Variants in KAT7 observed in about 807,000 individuals in gnomAD.
KAT7 encodes lysine acetyltransferase 7, also known as histone acetyltransferase KAT7.
KAT7 carries 10 observed loss-of-function variants against 82.1 expected under a neutral mutation model. The ratio of observed to expected loss-of-function variants is 0.12; its 90% CI spans 0.08 to 0.21. KAT7 has a LOEUF of 0.21. Among genes scored for constraint, KAT7 ranks in the 10% least tolerant of loss-of-function variants. The pLI, the probability that KAT7 is intolerant of heterozygous loss-of-function variation, is 1.00. For synonymous variants in KAT7, 250 were observed against 262.5 expected (o/e 0.95, Z 0.46); for missense variants, 378 against 760.9 (o/e 0.50, Z 5.92).
chr17:49,818,763 G>C (rs1373437007), intron 9 of KAT7, among the ~76,000 whole-genome samples: 1 of 150,606 alleles, frequency 6.6e-6, no homozygotes, highest in African/African-American at 2.4e-5. Context: ...TTTTGAGAGG[G>C]AGTCTTGCTC....
chr17:49,827,136 C>CA (rs1180877598), intron 14 of KAT7: 9 of 472,128 alleles, frequency 1.9e-5, no homozygotes, highest in Non-Finnish European at 2.6e-5. Context: ...TGTCTCAACT[C>CA]AAACTCACAT....
At chr17:49,812,237 T>TC (rs2143930930) in intron 7 of KAT7, among the ~76,000 whole-genome samples, 1 of 147,974 alleles carries the variant, frequency 6.8e-6, no homozygotes, top group East Asian at 1.9e-4. Context: ...TAAAAATCTT[T>TC]TTTTTTTTTT....
At chr17:49,797,374 A>C (rs2073970559) in intron 3 of KAT7, among the ~76,000 whole-genome samples, 1 of 152,030 alleles carries the variant, frequency 6.6e-6, no homozygotes, top group Non-Finnish European at 1.5e-5. Flanking sequence ...CCTTTCTTAT[A>C]CATTGCTGAG....
intron 14 of KAT7, 57 bp from the exon 15 acceptor site, chr17:49,827,344 A>T: frequency 9.7e-7 from 1 of 1,030,132 alleles, no homozygotes; most frequent in Non-Finnish European, 1.5e-6. Context: ...TTTGGAATCT[A>T]TGTAAAGGCA....
intron 5 of KAT7, among the ~76,000 whole-genome samples, chr17:49,808,120 CTTTTTTTTTTTT>C (rs71146937): frequency 8.9e-6 from 1 of 112,820 alleles, no homozygotes; most frequent in Non-Finnish European, 1.8e-5. Flanking sequence ...CCCAGGTTTT[CTTTTTTTTTTTT>C]TTTTTTTTTG....
In KAT7 at chr17:49,796,849, C is replaced by T. The variant is rs368935839; in HGVS notation, c.263C>T (p.Thr88Ile). 4 of 1,613,968 alleles carry T rather than the reference C, an allele frequency of 2.5e-6. No individual in the cohort carries two copies. The highest frequency in any genetic ancestry group is 1.3e-5 in the African/African-American group (1 of 74,900). ...AGTCAGCAGCAGCCTACCCCAGTGA[C>T]ACCGAAAAAATACCCTCTTCGGCAG... ...TRSQQQPTPV[T>I]PKKYPLRQTR... The change falls in exon 3 of 15, where the codon ACA becomes ATA. Residue 88 changes from threonine to isoleucine, a missense_variant. Transcript: ENST00000259021.
chr17:49,800,718 C>G (rs2074013891), intron 4 of KAT7, among the ~76,000 whole-genome samples: 2 of 152,024 alleles, frequency 1.3e-5, no homozygotes, highest in South Asian at 4.1e-4. Context: ...AGTCTCTGCC[C>G]TCATGGAGCT....
intron 10 of KAT7, 25 bp from the exon 11 acceptor site, chr17:49,821,625 A>G (rs369746036): frequency 1.6e-5 from 26 of 1,612,268 alleles, no homozygotes; most frequent in African/African-American, 9.3e-5. Context: ...TGGCCCACAC[A>G]TGAACTCTGT....
In KAT7 at chr17:49,817,921, T is replaced by C. The variant is rs2074253801; in HGVS notation, c.1065T>C (p.Tyr355=). Residue 355 remains tyrosine, a synonymous_variant, in exon 9 of 15, where the codon TAT becomes TAC. Transcript: ENST00000259021. ...TTGATACCTGGTATCATTCTCCATA[T>C]CCTGAAGAATATGCACGGCTGGGAC... is the stretch of plus-strand genomic sequence containing the variant. The part of the protein sequence containing the change: ...YELDTWYHSP[Y]PEEYARLGRL... 3 of 1,611,976 alleles carry C rather than the reference T, an allele frequency of 1.9e-6. No homozygotes were observed. Among genetic ancestry groups the C allele is most frequent in the Non-Finnish European group, 2.5e-6 (3 of 1,178,070 alleles).
intron 2 of KAT7, among the ~76,000 whole-genome samples, chr17:49,792,790 C>T (rs766337204): frequency 1.3e-5 from 2 of 151,982 alleles, no homozygotes; most frequent in East Asian, 1.9e-4. Context: ...CTATGATGCT[C>T]GGTAGGTTAG....
At chr17:49,788,904 C>T (rs1381191587) in intron 1 of KAT7, 55 bp downstream of exon 1, 6 of 1,493,982 alleles carry the variant, frequency 4.0e-6, no homozygotes, top group Non-Finnish European at 4.5e-6. Flanking sequence ...GATTGAGCAC[C>T]GTGACGCAGT....
intron 1 of KAT7, chr17:49,790,102 A>G (rs2073866296): frequency 1.3e-5 from 2 of 152,202 alleles, no homozygotes; most frequent in Admixed American, 1.3e-4. Context: ...ATCAATAGAA[A>G]TCTTTCTCTT....
At chr17:49,812,520 C>T (rs562371562) in intron 7 of KAT7, among the ~76,000 whole-genome samples, 33 of 151,992 alleles carry the variant, frequency 2.2e-4, no homozygotes, top group South Asian at 4.2e-4. Flanking sequence ...CCACCATGCC[C>T]GGCCTTAAAC....
intron 2 of KAT7, among the ~76,000 whole-genome samples, chr17:49,796,438 G>T (rs1489843295): frequency 6.6e-6 from 1 of 152,134 alleles, no homozygotes; most frequent in Non-Finnish European, 1.5e-5. Flanking sequence ...CTTTTCAATA[G>T]GTCAGGAAAC....
intron 2 of KAT7, among the ~76,000 whole-genome samples, chr17:49,793,779 G>C (rs1301710725): frequency 6.6e-6 from 1 of 151,938 alleles, no homozygotes; most frequent in African/African-American, 2.4e-5. Flanking sequence ...CACCATGTTG[G>C]CCAGGATAGT....
At chr17:49,789,564 T>G (rs563365635) in intron 1 of KAT7, 1 of 152,236 alleles carries the variant, frequency 6.6e-6, no homozygotes, top group African/African-American at 2.4e-5. Context: ...GGCCCCGTCG[T>G]TTCTTCTTAC....
chr17:49,816,095 C>T (rs1474464748), intron 8 of KAT7, among the ~76,000 whole-genome samples, 182 bp downstream of exon 8: 1 of 152,146 alleles, frequency 6.6e-6, no homozygotes, highest in Non-Finnish European at 1.5e-5. Flanking sequence ...AAATGAATCA[C>T]CCCTCCTCCC....
At chr17:49,815,945 C>CT (rs1388066954) in intron 8 of KAT7, 32 bp downstream of exon 8, 1 of 1,323,748 alleles carries the variant, frequency 7.6e-7, no homozygotes, top group South Asian at 1.2e-5. Flanking sequence ...CTGAAGGCCG[C>CT]TTGTGAAAGG....
At chr17:49,810,619 C>T (rs984039116) in intron 6 of KAT7, among the ~76,000 whole-genome samples, 29 of 151,996 alleles carry the variant, frequency 1.9e-4, no homozygotes, top group African/African-American at 6.3e-4. Flanking sequence ...ATTTTTGTAC[C>T]ACTGTTGATC....
Sources: allele counts gnomAD v4.1 joint callset (sites outside exome capture counted in the v4.1 genomes callset), GRCh38; gene constraint gnomAD v4.1.1; transcripts MANE v1.5; gene names NCBI Gene and HGNC (gene_info 2026-07-23, HGNC 2026-07-21).